ZFAND3: variants seen among roughly 807,000 people sequenced by gnomAD.
The protein encoded by ZFAND3 is zinc finger AN1-type containing 3, also known as AN1-type zinc finger protein 3.
ZFAND3 carries 10 observed loss-of-function variants against 29.6 expected under a neutral mutation model. The observed-to-expected ratio is 0.34, with a 90% CI of 0.21 to 0.57. The LOEUF (loss-of-function observed/expected upper bound fraction) is 0.57, where lower values mean the gene tolerates loss of function less well. Among genes scored for constraint, ZFAND3 ranks in the 20% least tolerant of loss-of-function variants. The probability of loss-of-function intolerance (pLI) is 0.86; values close to 1 mark genes in which losing one functional copy is unlikely to be tolerated. For synonymous variants in ZFAND3, 128 were observed against 112.6 expected (o/e 1.14, Z -0.87); for missense variants, 230 against 304.5 (o/e 0.76, Z 1.82).
chr6:37,851,736 A>G (rs1581708485), intron 1 of ZFAND3, among the ~76,000 whole-genome samples: 2 of 152,188 alleles, frequency 1.3e-5, no homozygotes, highest in South Asian at 2.1e-4. Context: ...TTAAAATTGG[A>G]AAAAAATACC....
At chr6:38,141,091 T>C (rs1475254448) in intron 5 of ZFAND3, among the ~76,000 whole-genome samples, 3 of 151,744 alleles carry the variant, frequency 2.0e-5, no homozygotes, top group African/African-American at 4.8e-5. Flanking sequence ...TGCTTGTACT[T>C]CTAAGCTCCT....
chr6:38,013,890 A>G (rs754428157), intron 2 of ZFAND3, among the ~76,000 whole-genome samples: 19 of 152,190 alleles, frequency 1.2e-4, no homozygotes, highest in Non-Finnish European at 2.4e-4. Flanking sequence ...TTTAATCTAT[A>G]CTGCATGGGT....
chr6:37,987,516 A>G (rs555958809), intron 2 of ZFAND3, among the ~76,000 whole-genome samples: 5 of 152,360 alleles, frequency 3.3e-5, no homozygotes, highest in South Asian at 4.1e-4. Flanking sequence ...ATCTGAATCT[A>G]TAAATCTAAA....
chr6:38,028,537 C>T (rs1763490816), intron 2 of ZFAND3, among the ~76,000 whole-genome samples: 1 of 151,734 alleles, frequency 6.6e-6, no homozygotes, highest in African/African-American at 2.4e-5. Context: ...TCAAGATGTC[C>T]TTGTTTTGAA....
At chr6:38,047,466 A>G (rs1440425621) in intron 2 of ZFAND3, among the ~76,000 whole-genome samples, 1 of 152,134 alleles carries the variant, frequency 6.6e-6, no homozygotes, top group Non-Finnish European at 1.5e-5. Flanking sequence ...TGCATATACA[A>G]TATTGCATAT....
In ZFAND3 at chr6:37,974,396, CTCTCTCTT is replaced by C. The variant is rs767816553; in HGVS notation, c.112+44399_112+44406del. 5.0e-3 allele frequency among the ~76,000 whole-genome samples: 427 copies of C among 86,174 alleles called. 1 individual carries two copies. Among genetic ancestry groups the C allele is most frequent in the Non-Finnish European group, 8.0e-3 (362 of 45,424 alleles). 56.5% of individuals were successfully genotyped at this position (86,174 alleles called of 152,430 possible). The stretch of plus-strand genomic sequence containing the variant: ...CATGCATTATATACTCTCTCTCTCT[CTCTCTCTT>C]TTTTTTTTTTTTTTTTTGGAGACAG... On this transcript the variant is annotated intron_variant, in intron 2 of 5. Coordinates refer to ENST00000287218, the MANE Select transcript of ZFAND3 (RefSeq NM_021943.3).
At chr6:38,109,734 G>A (rs533755636) in intron 4 of ZFAND3, among the ~76,000 whole-genome samples, 2 of 152,110 alleles carry the variant, frequency 1.3e-5, no homozygotes, top group East Asian at 3.9e-4. Flanking sequence ...CTCCTGAAGG[G>A]CATATGATAA....
chr6:37,894,605 T>C (rs1765164642), intron 1 of ZFAND3, among the ~76,000 whole-genome samples: 1 of 152,114 alleles, frequency 6.6e-6, no homozygotes, highest in Admixed American at 6.6e-5. Flanking sequence ...CTCCTGGCCT[T>C]AAGCAGTCCT....
intron 2 of ZFAND3, among the ~76,000 whole-genome samples, chr6:37,987,676 G>A (rs1012091993): frequency 6.6e-6 from 1 of 152,160 alleles, no homozygotes; most frequent in South Asian, 2.1e-4. Flanking sequence ...CTGCTGTTCT[G>A]CCACAGAATT....
At chr6:37,953,402 A>T (rs1245262215) in intron 2 of ZFAND3, among the ~76,000 whole-genome samples, 2 of 145,642 alleles carry the variant, frequency 1.4e-5, no homozygotes, top group Non-Finnish European at 3.0e-5. Context: ...CCTGATCTTT[A>T]TGCTACTGTT....
At chr6:37,883,081 G>T (rs77197074) in intron 1 of ZFAND3, among the ~76,000 whole-genome samples, 4 of 152,018 alleles carry the variant, frequency 2.6e-5, no homozygotes, top group African/African-American at 9.7e-5. Context: ...CAATTAGCTC[G>T]GTATAGAGTT....
At chr6:37,877,023 C>G (rs544884116) in intron 1 of ZFAND3, among the ~76,000 whole-genome samples, 1 of 152,238 alleles carries the variant, frequency 6.6e-6, no homozygotes, top group East Asian at 1.9e-4. Context: ...AGGTTTTAAT[C>G]TTTGTGTATT....
intron 2 of ZFAND3, among the ~76,000 whole-genome samples, chr6:38,029,509 G>A (rs1246435174): frequency 6.6e-6 from 1 of 152,128 alleles, no homozygotes; most frequent in Non-Finnish European, 1.5e-5. Context: ...TCTAACACCA[G>A]TGAAACAGCA....
At position 38,089,083 on chromosome 6, in the gene ZFAND3, A is replaced by C. The variant is rs192610340; in HGVS notation, c.361+6626A>C. 5.7e-3 allele frequency among the ~76,000 whole-genome samples: 870 copies of C among 152,142 alleles called. 15 individuals are homozygous for C. Among genetic ancestry groups the C allele is most frequent in the African/African-American group, 0.019 (769 of 41,476 alleles). On this transcript the variant is annotated intron_variant, in intron 4 of 5. Transcript: ENST00000287218. The stretch of plus-strand genomic sequence containing the variant: ...TGTTCATTGTTCTCTTTTTTCCCCC[A>C]AAAAAGAGAACAGTTTTTCCCTTTT...
chr6:37,923,426 G>A lies in ZFAND3; in HGVS notation c.72-6533G>A, dbSNP rs185921331. Reference sequence around the variant, plus strand: ...CAGGGGTAGTAATTGGTATGGAGCTGTCATCTCCATGATAACAATGCCTTC... The same window carrying A: ...CAGGGGTAGTAATTGGTATGGAGCTATCATCTCCATGATAACAATGCCTTC... On this transcript the variant is annotated intron_variant, in intron 1 of 5. Transcript: ENST00000287218. Among the ~76,000 whole-genome samples the A allele has an allele frequency of 8.3e-4, 127 of 152,272 alleles. 1 individual carries two copies. Among genetic ancestry groups the A allele is most frequent in the African/African-American group, 3.0e-3 (125 of 41,548 alleles).
rs556273137 is a variant in ZFAND3 at position 37,994,257 on chromosome 6, G to A, written c.112+64258G>A. On this transcript the variant is annotated intron_variant, in intron 2 of 5. Transcript: ENST00000287218. ...CTTCCATAGGACAGCAGCTTATTTC[G>A]CCTCCATAGTGGACCAAGGAACTGA... is the stretch of plus-strand genomic sequence containing the variant. Among the ~76,000 whole-genome samples the A allele has an allele frequency of 3.1e-3, 467 of 152,154 alleles. 3 individuals carry two copies. The highest frequency in any genetic ancestry group is 0.011 in the African/African-American group (444 of 41,512).
rs1176695049 is a variant in ZFAND3, at chr6:38,103,455, ACATATATACACG to A, written c.362-13116_362-13105del. On this transcript the variant is annotated intron_variant, in intron 4 of 5. Transcript: ENST00000287218. The stretch of plus-strand genomic sequence containing the variant: ...TATATACACGTGTATATATATACAC[ACATATATACACG>A]TGTATATATATACACACATATATAC... Among the ~76,000 whole-genome samples the A allele has an allele frequency of 2.5e-4, 19 of 76,020 alleles. 1 individual carries two copies. Among genetic ancestry groups the A allele is most frequent in the Admixed American group, 6.5e-4 (5 of 7,642 alleles). The allele number at this position is 76,020 out of a possible 152,430, so 49.9% of individuals were successfully genotyped here. A position where few individuals can be genotyped will look rare whatever the true frequency, so the allele number is the denominator to read the frequency against.
intron 1 of ZFAND3, among the ~76,000 whole-genome samples, chr6:37,921,218 A>G (rs1321123370): frequency 6.6e-6 from 1 of 152,136 alleles, no homozygotes; most frequent in Non-Finnish European, 1.5e-5. Context: ...ACTAGTTTTT[A>G]GAAATGTGAC....
chr6:38,036,093 A>G (rs1301242102), intron 2 of ZFAND3, among the ~76,000 whole-genome samples: 1 of 152,184 alleles, frequency 6.6e-6, no homozygotes, highest in African/African-American at 2.4e-5. Context: ...CTCCCTGGCT[A>G]AAGACAGGAC....
Sources: allele counts gnomAD v4.1 joint callset (sites outside exome capture counted in the v4.1 genomes callset), GRCh38; gene constraint gnomAD v4.1.1; transcripts MANE v1.5; gene names NCBI Gene and HGNC (gene_info 2026-07-23, HGNC 2026-07-21).